MTHFD2L: variants seen among roughly 807,000 people sequenced by gnomAD.
MTHFD2L encodes the protein bifunctional methylenetetrahydrofolate dehydrogenase/cyclohydrolase 2, mitochondrial.
In MTHFD2L, 29 loss-of-function variants were observed where a neutral mutation model predicts 34.9. That is an observed-to-expected ratio of 0.83 (90% CI 0.62 to 1.13). MTHFD2L has a LOEUF of 1.13. MTHFD2L is among the 50% of genes most tolerant of loss of function. MTHFD2L has a pLI of 0.00. For synonymous variants in MTHFD2L, 167 were observed against 155.7 expected (o/e 1.07, Z -0.54); for missense variants, 481 against 446.5 (o/e 1.08, Z -0.70).
At chr4:74,156,044 C>T (rs1459858135), upstream of MTHFD2L, among the ~76,000 whole-genome samples, 2 of 151,946 alleles carry the variant, frequency 1.3e-5, no homozygotes, top group Non-Finnish European at 2.9e-5. Flanking sequence ...AGTCTTGATT[C>T]TGATAACACT....
chr4:74,140,831 CTATCATGAGAACAGGATGGGGTAAACTG>C (rs1723235297), intron 1 of MTHFD2L, among the ~76,000 whole-genome samples: 1 of 152,184 alleles, frequency 6.6e-6, no homozygotes, highest in Non-Finnish European at 1.5e-5. Context: ...AGCTAACTCA[CTATCATGAGAACAGGATGGGGTAAACTG>C]CCCCCACGAT....
At chr4:74,192,083 GAC>G (rs1732636857) in intron 3 of MTHFD2L, among the ~76,000 whole-genome samples, 1 of 151,998 alleles carries the variant, frequency 6.6e-6, no homozygotes, top group Non-Finnish European at 1.5e-5. Context: ...AAAAGAAAAA[GAC>G]AGAAATTTCT....
chr4:74,130,320 T>C (rs1041031405), intron 1 of MTHFD2L, among the ~76,000 whole-genome samples: 2 of 152,128 alleles, frequency 1.3e-5, no homozygotes, highest in South Asian at 2.1e-4. Context: ...CTGATGAACA[T>C]TGATGCGAAA....
At chr4:74,145,939 C>G (rs1263852544) in intron 1 of MTHFD2L, among the ~76,000 whole-genome samples, 2 of 152,162 alleles carry the variant, frequency 1.3e-5, no homozygotes, top group Non-Finnish European at 2.9e-5. Context: ...CCCTATACAG[C>G]CTGCAGAACC....
At chr4:74,158,330 C>CGGCGGG in intron 1 of MTHFD2L, 49 bp downstream of exon 1, 5 of 1,201,788 alleles carry the variant, frequency 4.2e-6, no homozygotes, top group Admixed American at 4.5e-5. Flanking sequence ...GGTGGGAGGT[C>CGGCGGG]GGCGGGGGCG....
At chr4:74,117,010 G>A (rs917108076) in intron 2 of MTHFD2L, among the ~76,000 whole-genome samples, 2 of 152,242 alleles carry the variant, frequency 1.3e-5, no homozygotes, top group African/African-American at 4.8e-5. Flanking sequence ...TGTGGGAAAT[G>A]TTTGGCAATA....
intron 1 of MTHFD2L, among the ~76,000 whole-genome samples, chr4:74,133,945 G>A (rs1722730572): frequency 6.6e-6 from 1 of 152,154 alleles, no homozygotes; most frequent in Non-Finnish European, 1.5e-5. Flanking sequence ...TAGGTACAGA[G>A]AAGTGGAAAC....
intron 6 of MTHFD2L, among the ~76,000 whole-genome samples, chr4:74,264,671 A>T (rs1022646188): frequency 1.3e-5 from 2 of 151,940 alleles, no homozygotes; most frequent in Non-Finnish European, 2.9e-5. Context: ...TTTATAGTTC[A>T]ATTGTTTTAA....
rs1175332691 is a variant in MTHFD2L at position 74,244,047 on chromosome 4, C to A, written c.805+18653C>A. ...AAGGTTGGGCCTGTGGGAGAAAATGCCACTCCCTGTTTGTTGGGGGTGGGT... is the reference window on the plus strand; with the variant it reads ...AAGGTTGGGCCTGTGGGAGAAAATGACACTCCCTGTTTGTTGGGGGTGGGT... On this transcript the variant is annotated intron_variant, in intron 6 of 7. Coordinates refer to ENST00000325278, the MANE Select transcript of MTHFD2L (RefSeq NM_001144978.3). 2.6e-5 allele frequency among the ~76,000 whole-genome samples: 4 copies of A among 152,160 alleles called. No homozygotes were observed. The East Asian group carries it at 7.7e-4, about 29-fold the overall frequency.
intron 6 of MTHFD2L, among the ~76,000 whole-genome samples, chr4:74,257,803 A>AT (rs887344587): frequency 6.6e-6 from 1 of 152,124 alleles, no homozygotes; most frequent in Non-Finnish European, 1.5e-5. Flanking sequence ...AGAATGAGAG[A>AT]TTTTCAAATC....
chr4:74,128,540 G>T (rs1244650217), intron 1 of MTHFD2L, among the ~76,000 whole-genome samples: 1 of 151,912 alleles, frequency 6.6e-6, no homozygotes, highest in Admixed American at 6.6e-5. Context: ...TGTGTTTATT[G>T]ATATCTGGGT....
intron 6 of MTHFD2L, among the ~76,000 whole-genome samples, chr4:74,256,727 G>A (rs562280457): frequency 5.3e-5 from 8 of 152,230 alleles, no homozygotes; most frequent in South Asian, 2.1e-4. Flanking sequence ...GTGGGGAAAC[G>A]TATAACTATT....
chr4:74,291,967 T>C (rs1440891071), intron 7 of MTHFD2L, among the ~76,000 whole-genome samples: 2 of 152,232 alleles, frequency 1.3e-5, no homozygotes, highest in Admixed American at 6.5e-5. Flanking sequence ...GCTTTTACTA[T>C]AAGAGAAGAT....
intron 5 of MTHFD2L, among the ~76,000 whole-genome samples, chr4:74,205,885 G>T (rs143784832): frequency 5.3e-5 from 8 of 152,274 alleles, no homozygotes; most frequent in African/African-American, 1.9e-4. Flanking sequence ...ATTTTAAATA[G>T]TCAGTGGCAC....
chr4:74,151,842 A>G (rs1723960143), intron 1 of MTHFD2L, among the ~76,000 whole-genome samples: 1 of 152,148 alleles, frequency 6.6e-6, no homozygotes, highest in Non-Finnish European at 1.5e-5. Flanking sequence ...TGTTTCCTTC[A>G]TAGGTTTTCC....
intron 6 of MTHFD2L, among the ~76,000 whole-genome samples, chr4:74,274,448 G>C (rs558034400): frequency 1.3e-5 from 2 of 152,272 alleles, no homozygotes; most frequent in South Asian, 4.1e-4. Context: ...AACAGTAGGA[G>C]AGACCAACAA....
Position 74,302,005 on chromosome 4 carries a change from A to T in MTHFD2L, c.*196A>T, listed in dbSNP as rs940691700. 51 of 406,278 alleles carry T rather than the reference A, an allele frequency of 1.3e-4. No individual in the cohort carries two copies. The highest frequency in any genetic ancestry group is 9.9e-4 in the African/African-American group (48 of 48,272). The allele number at this position is 406,278 out of a possible 1,614,324, so 25.2% of individuals were successfully genotyped here. A position where few individuals can be genotyped will look rare whatever the true frequency, so the allele number is the denominator to read the frequency against. On this transcript the variant is annotated 3_prime_UTR_variant, in exon 8 of 8. Coordinates refer to ENST00000325278, the MANE Select transcript of MTHFD2L (RefSeq NM_001144978.3). ...ATTTATTTTGAGTTTTAAGAAAACAACCAAAACAATTCCAATGAAAATTTT... is the reference window on the plus strand; with the variant it reads ...ATTTATTTTGAGTTTTAAGAAAACATCCAAAACAATTCCAATGAAAATTTT...
intron 1 of MTHFD2L, among the ~76,000 whole-genome samples, chr4:74,158,778 T>G (rs1216591453): frequency 6.6e-6 from 1 of 152,190 alleles, no homozygotes; most frequent in African/African-American, 2.4e-5. Context: ...TCCAGATTTC[T>G]CAGTCTTTTC....
At chr4:74,119,317 T>C (rs527913848), upstream of MTHFD2L, among the ~76,000 whole-genome samples, 1 of 152,180 alleles carries the variant, frequency 6.6e-6, no homozygotes, top group African/African-American at 2.4e-5. Flanking sequence ...CATCCGCACC[T>C]CTTTCCTGCA....
Sources: allele counts gnomAD v4.1 joint callset (sites outside exome capture counted in the v4.1 genomes callset), GRCh38; gene constraint gnomAD v4.1.1; transcripts MANE v1.5; gene names NCBI Gene and HGNC (gene_info 2026-07-23, HGNC 2026-07-21).